PCYT1B: variants seen among roughly 807,000 people sequenced by gnomAD.
PCYT1B encodes phosphate cytidylyltransferase 1B, choline, also known as choline-phosphate cytidylyltransferase B.
PCYT1B carries 10 observed loss-of-function variants against 26.4 expected under a neutral mutation model. The ratio of observed to expected loss-of-function variants is 0.38; its 90% CI spans 0.23 to 0.64. PCYT1B has a LOEUF of 0.64. Ranked by LOEUF, PCYT1B falls within the 30% of genes least tolerant of loss-of-function variation. The pLI, the probability that PCYT1B is intolerant of heterozygous loss-of-function variation, is 0.56. For synonymous variants in PCYT1B, 131 were observed against 108.4 expected (o/e 1.21, Z -1.29); for missense variants, 161 against 292.7 (o/e 0.55, Z 3.28).
chrX:24,613,669 A>G (rs184210072), intron 2 of PCYT1B, among the ~76,000 whole-genome samples: 1 of 110,970 alleles, frequency 9.0e-6, no homozygotes, highest in East Asian at 2.8e-4. Context: ...AAGTCAGTTT[A>G]GGGCCGGGTA....
chrX:24,568,843 C>T (rs1387495770), intron 7 of PCYT1B, among the ~76,000 whole-genome samples: 2 of 111,575 alleles, frequency 1.8e-5, no homozygotes, highest in Non-Finnish European at 3.8e-5. Flanking sequence ...GCCTATAACC[C>T]CAGCACTATG....
At chrX:24,570,456 G>A (rs1349928145) in intron 7 of PCYT1B, among the ~76,000 whole-genome samples, 1 of 108,874 alleles carries the variant, frequency 9.2e-6, no homozygotes, top group Non-Finnish European at 1.9e-5. Context: ...GTTTCACCAC[G>A]TTGGCCAGGC....
Position 24,587,317 on chromosome X carries a change from A to T in PCYT1B, c.489T>A (p.Ile163=). Residue 163 remains isoleucine, a splice_region_variant and synonymous_variant, in exon 5 of 8, where the codon ATT becomes ATA. Transcript: ENST00000379144. The part of the protein sequence containing the change: ...LTPEFLEKHK[I]DFVAHDDIPY... ...GAATGTCATCATGAGCCACAAAGTC[A>T]ATCTGTTGAAGAGAGAGAAGAGTGA... 8.5e-7 allele frequency: 1 copy of T among 1,178,445 alleles called. No individual in the cohort carries two copies.
At chrX:24,564,642 G>A (rs766251349) in intron 7 of PCYT1B, among the ~76,000 whole-genome samples, 11 of 110,976 alleles carry the variant, frequency 9.9e-5, no homozygotes, top group Middle Eastern at 4.6e-3. Flanking sequence ...GTGAGCCACC[G>A]CGCCCGGCCA....
At position 24,624,114 on chromosome X, in the gene PCYT1B, A is replaced by C. The variant is rs4898192; in HGVS notation, c.118-5030T>G. Among the ~76,000 whole-genome samples, 88 of 107,577 alleles carry C rather than the reference A, an allele frequency of 8.2e-4. 1 individual carries two copies. In the East Asian group the frequency reaches 0.013, roughly 16 times the overall value. 93.4% of individuals were successfully genotyped at this position (107,577 alleles called of 115,157 possible). The stretch of plus-strand genomic sequence containing the variant: ...CCTCCCAAGTAGCTGGGACTACAGG[A>C]GCCCGCCACCACACCCGGCTAATTT... On this transcript the variant is annotated intron_variant, in intron 1 of 7. Coordinates refer to ENST00000379144, the MANE Select transcript of PCYT1B (RefSeq NM_004845.5).
upstream of PCYT1B, among the ~76,000 whole-genome samples, chrX:24,652,149 A>T (rs149624290): frequency 6.2e-4 from 70 of 112,567 alleles, 1 homozygote; most frequent in African/African-American, 2.2e-3. Flanking sequence ...TTGTCAGATC[A>T]GTGCTGTCCC....
chrX:24,628,111 G>A (rs1001127565), intron 1 of PCYT1B, among the ~76,000 whole-genome samples: 2 of 112,017 alleles, frequency 1.8e-5, no homozygotes, highest in African/African-American at 6.5e-5. Context: ...TAGAGATGCA[G>A]GTTTAGAAAC....
chrX:24,562,130 T>C lies in PCYT1B; in HGVS notation c.*163A>G. 8.3e-7 allele frequency: 1 copy of C among 1,209,878 alleles called. No homozygotes were observed. Among genetic ancestry groups the C allele is most frequent in the Non-Finnish European group, 1.1e-6 (1 of 894,716 alleles). On this transcript the variant is annotated 3_prime_UTR_variant, in exon 8 of 8. Coordinates refer to ENST00000379144, the MANE Select transcript of PCYT1B (RefSeq NM_004845.5). The stretch of plus-strand genomic sequence containing the variant: ...CCCAACTCTTCAGCTGTACGGAGAG[T>C]GAGAGAGAACTGGTCCCAAGACCTT...
intron 1 of PCYT1B, among the ~76,000 whole-genome samples, chrX:24,636,756 A>G (rs1337451571): frequency 2.7e-5 from 3 of 112,304 alleles, no homozygotes; most frequent in Non-Finnish European, 5.6e-5. Flanking sequence ...ATCAAAGATG[A>G]GCTTTGCCTA....
intron 7 of PCYT1B, among the ~76,000 whole-genome samples, chrX:24,563,466 C>T (rs1056152007): frequency 2.7e-5 from 3 of 111,830 alleles, no homozygotes; most frequent in African/African-American, 9.8e-5. Context: ...GGCAGGGCAC[C>T]GCGGCTGCCT....
At chrX:24,585,084 G>A (rs1924325812) in intron 5 of PCYT1B, among the ~76,000 whole-genome samples, 1 of 111,260 alleles carries the variant, frequency 9.0e-6, no homozygotes, top group African/African-American at 3.3e-5. Context: ...TGCTCTCCAG[G>A]AAGAAGAAAA....
At position 24,661,899 on chromosome X, in the gene PCYT1B, C is replaced by T. The variant is rs138383991; in HGVS notation, c.63+10671G>A. On this transcript the variant is annotated intron_variant, in intron 1 of 7. Transcript: ENST00000379145. Reference sequence around the variant, plus strand: ...GATACTGTAGCTGCTTGAGGTCACTCACACCTGTAATATCAGCACTTAAGG... The same window carrying T: ...GATACTGTAGCTGCTTGAGGTCACTTACACCTGTAATATCAGCACTTAAGG... Among the ~76,000 whole-genome samples, 657 of 112,076 alleles carry T rather than the reference C, an allele frequency of 5.9e-3. 13 individuals carry two copies. The highest frequency in any genetic ancestry group is 0.049 in the Admixed American group (510 of 10,475).
At chrX:24,572,772 A>C (rs1226876511) in intron 7 of PCYT1B, among the ~76,000 whole-genome samples, 1 of 110,211 alleles carries the variant, frequency 9.1e-6, no homozygotes, top group East Asian at 2.8e-4. Context: ...AGTTTTAAAA[A>C]GAAAAACCTC....
rs775197324 is a variant in PCYT1B, at chrX:24,608,093, G to T, written c.218-232C>A. 4.5e-5 allele frequency among the ~76,000 whole-genome samples: 5 copies of T among 111,515 alleles called. No homozygotes were observed. In the South Asian group the frequency reaches 1.9e-3, roughly 42 times the overall value. ...ACACACTATTTTAGCCAACAGAAGA[G>T]ACAAAAACAGAGCACTGAGGAGTTC... is the stretch of plus-strand genomic sequence containing the variant. On this transcript the variant is annotated intron_variant, in intron 2 of 7. Coordinates refer to ENST00000379144, the MANE Select transcript of PCYT1B (RefSeq NM_004845.5).
intron 2 of PCYT1B, among the ~76,000 whole-genome samples, chrX:24,613,681 A>G (rs5944654): frequency 0.5 from 54,799 of 109,213 alleles, 10,316 homozygotes; most frequent in East Asian, 0.7. Context: ...GGCCGGGTAC[A>G]GTGGCTCATG....
At chrX:24,613,950 C>CAAAAAAAAAAAAAAAAAAAAA (rs200062439) in intron 2 of PCYT1B, among the ~76,000 whole-genome samples, 1 of 77,213 alleles carries the variant, frequency 1.3e-5, no homozygotes, top group Non-Finnish European at 2.6e-5. Flanking sequence ...AACAACCTGT[C>CAAAAAAAAAAAAAAAAAAAAA]AAAAAAAAAA....
chrX:24,601,676 T>C (rs1282449250), intron 3 of PCYT1B, among the ~76,000 whole-genome samples: 2 of 111,550 alleles, frequency 1.8e-5, no homozygotes, highest in Non-Finnish European at 1.9e-5. Flanking sequence ...GATCTACAGA[T>C]GGCCAGGAAG....
At chrX:24,595,955 A>G in intron 3 of PCYT1B, among the ~76,000 whole-genome samples, 1 of 111,403 alleles carries the variant, frequency 9.0e-6, no homozygotes, top group East Asian at 2.8e-4. Flanking sequence ...AAGAATATTT[A>G]GTTCCAATTA....
At chrX:24,644,307 C>T (rs749753145) in intron 1 of PCYT1B, among the ~76,000 whole-genome samples, 19 of 111,456 alleles carry the variant, frequency 1.7e-4, no homozygotes, top group Non-Finnish European at 1.5e-4. Context: ...TGGTTGCAAG[C>T]CCCTGTTTAA....
Sources: gnomAD v4.1 joint callset for allele counts (sites outside exome capture counted in the v4.1 genomes callset) on GRCh38, gnomAD v4.1.1 for gene constraint, MANE v1.5 for transcripts, NCBI Gene and HGNC (gene_info 2026-07-23, HGNC 2026-07-21) for gene names.